BRINP3: variants seen among roughly 807,000 people sequenced by gnomAD.
BRINP3 encodes the protein BMP/retinoic acid inducible neural specific 3, also known as BMP/retinoic acid-inducible neural-specific protein 3.
BRINP3 carries 19 observed loss-of-function variants against 71.0 expected under a neutral mutation model. The ratio of observed to expected loss-of-function variants is 0.27; its 90% CI spans 0.19 to 0.39. BRINP3 has a LOEUF of 0.39. Among genes scored for constraint, BRINP3 ranks in the 10% least tolerant of loss-of-function variants. The probability of loss-of-function intolerance (pLI) is 1.00; values close to 1 mark genes in which losing one functional copy is unlikely to be tolerated. For missense variants in BRINP3, 959 were observed against 940.8 expected, an observed-to-expected ratio of 1.02 and a Z score of -0.25; for synonymous variants, 380 against 337.7, an observed-to-expected ratio of 1.13 and a Z score of -1.37.
chr1:190,443,761 G>A (rs1675000299), intron 2 of BRINP3, among the ~76,000 whole-genome samples: 2 of 152,258 alleles, frequency 1.3e-5, no homozygotes, highest in East Asian at 1.9e-4. Flanking sequence ...ATCTGACAGC[G>A]ACTTCTAGTT....
At chr1:190,239,401 A>G (rs932740817) in intron 4 of BRINP3, among the ~76,000 whole-genome samples, 13 of 152,124 alleles carry the variant, frequency 8.5e-5, no homozygotes, top group African/African-American at 2.9e-4. Flanking sequence ...TAACACTAGA[A>G]GTTTATTTTG....
chr1:190,463,365 A>G (rs1189964221), intron 1 of BRINP3, among the ~76,000 whole-genome samples: 1 of 151,694 alleles, frequency 6.6e-6, no homozygotes, highest in Non-Finnish European at 1.5e-5. Flanking sequence ...CAAGGATATA[A>G]GGATATGAGG....
At chr1:190,166,263 C>T (rs999142571) in intron 6 of BRINP3, among the ~76,000 whole-genome samples, 4 of 152,128 alleles carry the variant, frequency 2.6e-5, no homozygotes, top group Non-Finnish European at 5.9e-5. Flanking sequence ...GGGTATAAAT[C>T]AGAAACAGAT....
At chr1:190,312,917 G>A (rs1458301141) in intron 2 of BRINP3, among the ~76,000 whole-genome samples, 1 of 151,776 alleles carries the variant, frequency 6.6e-6, no homozygotes, top group Non-Finnish European at 1.5e-5. Context: ...TCTTGAGCAA[G>A]ATTGTCATTC....
chr1:190,322,995 T>C (rs1666346565), intron 2 of BRINP3, among the ~76,000 whole-genome samples: 1 of 152,054 alleles, frequency 6.6e-6, no homozygotes, highest in Non-Finnish European at 1.5e-5. Context: ...AACTTGACCA[T>C]ATTGTACTTT....
Position 190,456,064 on chromosome 1 carries a change from GA to G in BRINP3, c.-50-1125del, listed in dbSNP as rs993356854. ...GTTCTTACTCAGCAAAACATCTTTA[GA>G]AAAAAAGATTAAGATTTACAGTATT... On this transcript the variant is annotated intron_variant, in intron 1 of 7. Coordinates refer to ENST00000367462, the MANE Select transcript of BRINP3 (RefSeq NM_199051.3). 1.9e-3 allele frequency among the ~76,000 whole-genome samples: 296 copies of G among 152,064 alleles called. 5 individuals carry two copies. In the Middle Eastern group the frequency reaches 0.031, roughly 16 times the overall value.
chr1:190,442,147 T>G (rs929154258), intron 2 of BRINP3, among the ~76,000 whole-genome samples: 1 of 152,184 alleles, frequency 6.6e-6, no homozygotes, highest in Non-Finnish European at 1.5e-5. Context: ...TTCCAATGAG[T>G]GTTAAACTTA....
chr1:190,338,129 T>G (rs191573671), intron 2 of BRINP3, among the ~76,000 whole-genome samples: 28 of 152,204 alleles, frequency 1.8e-4, no homozygotes, highest in Admixed American at 1.8e-3. Context: ...AATCTAAACT[T>G]GACATTTTAG....
intron 7 of BRINP3, among the ~76,000 whole-genome samples, chr1:190,118,504 C>T (rs1236589631): frequency 7.9e-5 from 12 of 152,122 alleles, no homozygotes; most frequent in Non-Finnish European, 1.2e-4. Flanking sequence ...TATTAACTCA[C>T]GTCTCGCCTT....
intron 6 of BRINP3, among the ~76,000 whole-genome samples, chr1:190,186,219 T>C (rs750938353): frequency 6.6e-6 from 1 of 151,872 alleles, no homozygotes; most frequent in Non-Finnish European, 1.5e-5. Flanking sequence ...CTACTAAAAA[T>C]ACAAAAAAAT....
chr1:190,399,467 A>G (rs557850591), intron 2 of BRINP3, among the ~76,000 whole-genome samples: 2 of 151,910 alleles, frequency 1.3e-5, no homozygotes, highest in African/African-American at 4.8e-5. Flanking sequence ...ATGAAACTGA[A>G]GTATATTTTT....
intron 3 of BRINP3, among the ~76,000 whole-genome samples, chr1:190,268,277 C>G (rs889323724): frequency 6.6e-6 from 1 of 151,976 alleles, no homozygotes; most frequent in Admixed American, 6.6e-5. Flanking sequence ...AATGTTTTTT[C>G]CCATAGAGAT....
At chr1:190,455,953 A>G (rs533316571) in intron 1 of BRINP3, among the ~76,000 whole-genome samples, 1 of 152,224 alleles carries the variant, frequency 6.6e-6, no homozygotes, top group South Asian at 2.1e-4. Context: ...TTCTATCCTC[A>G]TCAGCTTTTC....
intron 2 of BRINP3, among the ~76,000 whole-genome samples, chr1:190,396,169 T>C (rs1003350839): frequency 6.6e-6 from 1 of 151,932 alleles, no homozygotes; most frequent in African/African-American, 2.4e-5. Context: ...GTTAAATAAG[T>C]TATTTAATGT....
At chr1:190,213,998 C>T (rs976134383) in intron 6 of BRINP3, among the ~76,000 whole-genome samples, 2 of 152,002 alleles carry the variant, frequency 1.3e-5, no homozygotes, top group Non-Finnish European at 2.9e-5. Flanking sequence ...TTCTCCAATT[C>T]TCATCTCCCA....
chr1:190,384,053 C>A (rs1303973489), intron 2 of BRINP3, among the ~76,000 whole-genome samples: 1 of 151,652 alleles, frequency 6.6e-6, no homozygotes, highest in Non-Finnish European at 1.5e-5. Context: ...GGCCAAGATT[C>A]CAATCTAAGG....
At chr1:190,121,149 C>T (rs1653616062) in intron 7 of BRINP3, among the ~76,000 whole-genome samples, 1 of 152,056 alleles carries the variant, frequency 6.6e-6, no homozygotes, top group South Asian at 2.1e-4. Flanking sequence ...AAAAGGCAAC[C>T]TCCCACTAAA....
intron 4 of BRINP3, among the ~76,000 whole-genome samples, chr1:190,245,506 C>A (rs1659509845): frequency 6.6e-6 from 1 of 151,990 alleles, no homozygotes; most frequent in South Asian, 2.1e-4. Context: ...GTGCTGCCCA[C>A]TCCCCCAGTT....
At chr1:190,171,651 A>T (rs1652018273) in intron 6 of BRINP3, among the ~76,000 whole-genome samples, 1 of 152,196 alleles carries the variant, frequency 6.6e-6, no homozygotes, top group African/African-American at 2.4e-5. Context: ...TTATTAAAAT[A>T]ACACTAATTC....
Sources: gnomAD v4.1 joint callset for allele counts (sites outside exome capture counted in the v4.1 genomes callset) on GRCh38, gnomAD v4.1.1 for gene constraint, MANE v1.5 for transcripts, NCBI Gene and HGNC (gene_info 2026-07-23, HGNC 2026-07-21) for gene names.